PDCL2: variants seen among roughly 807,000 people sequenced by gnomAD.
PDCL2 encodes phosducin like 2.
PDCL2 carries 23 observed loss-of-function variants against 30.3 expected under a neutral mutation model. The ratio of observed to expected loss-of-function variants is 0.76; its 90% CI spans 0.55 to 1.08. PDCL2 has a LOEUF of 1.08. Ranked by LOEUF, PDCL2 falls within the 50% of genes least tolerant of loss-of-function variation. The probability of loss-of-function intolerance (pLI) is 0.00; values close to 1 mark genes in which losing one functional copy is unlikely to be tolerated. For missense variants in PDCL2, 243 were observed against 282.3 expected (o/e 0.86, Z 1.00); for synonymous variants, 68 against 86.2 (o/e 0.79, Z 1.17).
At chr4:55,589,499 T>C (rs1732946294) in intron 1 of PDCL2, among the ~76,000 whole-genome samples, 1 of 152,194 alleles carries the variant, frequency 6.6e-6, no homozygotes, top group South Asian at 2.1e-4. Context: ...GAAATGTTTT[T>C]CGACAGGGTT....
chr4:55,579,119 G>T (rs1355060942), intron 3 of PDCL2, among the ~76,000 whole-genome samples: 1 of 147,886 alleles, frequency 6.8e-6, no homozygotes, highest in Non-Finnish European at 1.5e-5. Flanking sequence ...TATTGATTTT[G>T]TTGTTCAAGT....
At chr4:55,559,248 TC>T (rs1732062292) in intron 5 of PDCL2, among the ~76,000 whole-genome samples, 1 of 152,206 alleles carries the variant, frequency 6.6e-6, no homozygotes, top group African/African-American at 2.4e-5. Context: ...TACCTTATGA[TC>T]CCACAATTCT....
intron 5 of PDCL2, among the ~76,000 whole-genome samples, chr4:55,558,117 C>T (rs1181478554): frequency 9.3e-6 from 1 of 107,472 alleles, no homozygotes; most frequent in Admixed American, 1.1e-4. Context: ...CAGTGCAAGA[C>T]TCCGTCTCAA....
At chr4:55,568,069 C>T (rs895797258) in intron 4 of PDCL2, among the ~76,000 whole-genome samples, 1 of 152,124 alleles carries the variant, frequency 6.6e-6, no homozygotes, top group Non-Finnish European at 1.5e-5. Flanking sequence ...GCCATACAGG[C>T]TATACAGGGT....
At chr4:55,562,301 G>A in intron 5 of PDCL2, 103 bp downstream of exon 5, 1 of 665,202 alleles carries the variant, frequency 1.5e-6, no homozygotes, top group Non-Finnish European at 2.3e-6. Context: ...GAGACTAGAA[G>A]CAAGGAAAAA....
intron 4 of PDCL2, among the ~76,000 whole-genome samples, chr4:55,562,920 A>AG (rs984512867): frequency 1.6e-5 from 2 of 125,162 alleles, no homozygotes; most frequent in African/African-American, 7.4e-5. Flanking sequence ...TAGAAAAAAA[A>AG]AAAAAAAACA....
intron 1 of PDCL2, among the ~76,000 whole-genome samples, chr4:55,585,043 C>T (rs190454207): frequency 7.9e-5 from 12 of 152,308 alleles, no homozygotes; most frequent in Admixed American, 7.2e-4. Flanking sequence ...TATGCTGAAA[C>T]ATCCTTGCAT....
intron 1 of PDCL2, among the ~76,000 whole-genome samples, chr4:55,587,744 T>C (rs374028394): frequency 6.6e-6 from 1 of 151,966 alleles, no homozygotes; most frequent in East Asian, 1.9e-4. Flanking sequence ...TTAGTAGAGA[T>C]TGGGTTTCAC....
chr4:55,588,865 C>CT (rs34529316), intron 1 of PDCL2, among the ~76,000 whole-genome samples: 103,628 of 145,308 alleles, frequency 0.71, 36,948 homozygotes, highest in East Asian at 0.9. Flanking sequence ...TTTATAAGTA[C>CT]TTTTTTTTTT....
At chr4:55,581,749 G>A (rs1009402853) in intron 2 of PDCL2, among the ~76,000 whole-genome samples, 1 of 152,140 alleles carries the variant, frequency 6.6e-6, no homozygotes, top group Non-Finnish European at 1.5e-5. Context: ...CCAGAGCAGT[G>A]CAGGAGTGCA....
intron 1 of PDCL2, among the ~76,000 whole-genome samples, chr4:55,589,840 G>A (rs1266098906): frequency 6.6e-6 from 1 of 152,120 alleles, no homozygotes; most frequent in Non-Finnish European, 1.5e-5. Context: ...TGAAACAAAA[G>A]AAGAAGGGTA....
intron 1 of PDCL2, among the ~76,000 whole-genome samples, chr4:55,590,316 A>C (rs1732966845): frequency 6.6e-6 from 1 of 150,558 alleles, no homozygotes; most frequent in African/African-American, 2.4e-5. Flanking sequence ...CCCCATCTCT[A>C]CAAAAAAAAA....
intron 1 of PDCL2, among the ~76,000 whole-genome samples, chr4:55,585,986 T>C (rs547465939): frequency 6.6e-6 from 1 of 152,292 alleles, no homozygotes; most frequent in East Asian, 1.9e-4. Context: ...AAAGATTTTC[T>C]TGATTTTTTC....
At chr4:55,587,621 C>T (rs138976510) in intron 1 of PDCL2, among the ~76,000 whole-genome samples, 1 of 151,116 alleles carries the variant, frequency 6.6e-6, no homozygotes. Flanking sequence ...TGCAGTGGAG[C>T]AATCTCGGCT....
intron 1 of PDCL2, among the ~76,000 whole-genome samples, chr4:55,588,859 TA>T (rs1291089923): frequency 8.0e-5 from 10 of 125,402 alleles, no homozygotes; most frequent in Non-Finnish European, 1.1e-4. Context: ...TCAGTATTTA[TA>T]AGTACTTTTT....
Position 55,569,863 on chromosome 4 carries a change from T to G in PDCL2, c.219-2A>C, listed in dbSNP as rs1426501826. Reference sequence around the variant, plus strand: ...TTCCATTCCTGTAACCGCTTCTTTCTAATTAAAACATGAAATTAAATTACA... The same window carrying G: ...TTCCATTCCTGTAACCGCTTCTTTCGAATTAAAACATGAAATTAAATTACA... On this transcript the variant is annotated splice_acceptor_variant, in intron 3 of 5. Coordinates refer to ENST00000295645, the MANE Select transcript of PDCL2 (RefSeq NM_152401.3). LOFTEE classifies it high-confidence loss of function. The G allele has an allele frequency of 2.0e-6, 3 of 1,489,604 alleles. No homozygotes were observed. Among genetic ancestry groups the G allele is most frequent in the Non-Finnish European group, 2.7e-6 (3 of 1,100,246 alleles). 92.3% of individuals were successfully genotyped at this position (1,489,604 alleles called of 1,614,324 possible).
intron 4 of PDCL2, among the ~76,000 whole-genome samples, chr4:55,564,578 G>A (rs1045968402): frequency 2.0e-5 from 3 of 152,104 alleles, no homozygotes; most frequent in Non-Finnish European, 4.4e-5. Context: ...ATAGAATTGG[G>A]GTACAGGGTA....
chr4:55,570,445 G>A (rs1732392364), intron 3 of PDCL2, among the ~76,000 whole-genome samples: 1 of 152,096 alleles, frequency 6.6e-6, no homozygotes, highest in Admixed American at 6.5e-5. Flanking sequence ...TTATGAGCTT[G>A]GATTCTAAGC....
rs1368452821 is a variant in PDCL2 at position 55,592,112 on chromosome 4, T to A, written c.-3A>T. 1 of 1,609,496 alleles carries A rather than the reference T, an allele frequency of 6.2e-7. No individual in the cohort carries two copies. Among genetic ancestry groups the A allele is most frequent in the Admixed American group, 1.7e-5 (1 of 59,640 alleles). ...CAGGTCCCGACCCTCACCTGCATGA[T>A]GCGCTGCTCTGCCCCTCAAGAGCCC... On this transcript the variant is annotated 5_prime_UTR_variant, in exon 1 of 6. Transcript: ENST00000295645.
Sources: gnomAD v4.1 joint callset for allele counts (sites outside exome capture counted in the v4.1 genomes callset) on GRCh38, gnomAD v4.1.1 for gene constraint, MANE v1.5 for transcripts, NCBI Gene and HGNC (gene_info 2026-07-23, HGNC 2026-07-21) for gene names.